The following CIMIP3 variants were observed in gnomAD, a reference collection of about 807,000 sequenced individuals.
CIMIP3 encodes the protein ciliary microtubule inner protein 3.
the CIMIP3 span, among the ~76,000 whole-genome samples, chr6:42,157,915 A>G: frequency 2.0e-5 from 3 of 152,082 alleles, no homozygotes; most frequent in African/African-American, 7.2e-5. Flanking sequence ...CGCTTTTGAC[A>G]TTGGACGCTG....
At chr6:42,155,586 G>T in the CIMIP3 span, 295 of 717,490 alleles carry the variant, frequency 4.1e-4, 1 homozygote, top group Middle Eastern at 1.6e-3. Flanking sequence ...CACATGTGCG[G>T]CTGGGAGGTA....
the CIMIP3 span, among the ~76,000 whole-genome samples, chr6:42,159,676 G>A: frequency 6.6e-6 from 1 of 152,370 alleles, no homozygotes; most frequent in African/African-American, 2.4e-5. Flanking sequence ...CCTGGCAGGA[G>A]CTCAGTGGGT....
chr6:42,162,551 A>G, the CIMIP3 span, among the ~76,000 whole-genome samples: 1 of 148,026 alleles, frequency 6.8e-6, no homozygotes, highest in Non-Finnish European at 1.5e-5. Context: ...GGCCTGACGG[A>G]GCAGTGGCAG....
chr6:42,159,925 G>C, the CIMIP3 span, among the ~76,000 whole-genome samples: 1 of 152,188 alleles, frequency 6.6e-6, no homozygotes, highest in Admixed American at 6.5e-5. Flanking sequence ...GTTAATGTGA[G>C]GATTAGAAGA....
At chr6:42,157,556 CTT>C in the CIMIP3 span, among the ~76,000 whole-genome samples, 4 of 143,770 alleles carry the variant, frequency 2.8e-5, no homozygotes, top group Non-Finnish European at 3.0e-5. Context: ...GCTCTTTTTT[CTT>C]TTTTTTTTTT....
At chr6:42,156,443 C>T in the CIMIP3 span, among the ~76,000 whole-genome samples, 2 of 151,964 alleles carry the variant, frequency 1.3e-5, no homozygotes, top group Admixed American at 6.6e-5. Context: ...GCCACCGGGC[C>T]CTGCAGGGAA....
chr6:42,163,001 C>G, the CIMIP3 span: 1 of 716,156 alleles, frequency 1.4e-6, no homozygotes, highest in Non-Finnish European at 2.6e-6. Flanking sequence ...CTCGTCCCGG[C>G]CCCGGGCGTG....
chr6:42,163,065 A>G, the CIMIP3 span: 1 of 716,860 alleles, frequency 1.4e-6, no homozygotes, highest in Non-Finnish European at 2.6e-6. Flanking sequence ...GTCGTTGTGG[A>G]CTCTAAGGGG....
chr6:42,159,983 A>G, the CIMIP3 span, among the ~76,000 whole-genome samples: 1 of 152,158 alleles, frequency 6.6e-6, no homozygotes, highest in East Asian at 1.9e-4. Flanking sequence ...CTGAAGTGGA[A>G]AAGAATCTTT....
At chr6:42,157,562 T>C in the CIMIP3 span, among the ~76,000 whole-genome samples, 1 of 151,732 alleles carries the variant, frequency 6.6e-6, no homozygotes, top group African/African-American at 2.4e-5. Flanking sequence ...TTTTCTTTTT[T>C]TTTTTTTAAT....
the CIMIP3 span, among the ~76,000 whole-genome samples, chr6:42,159,738 C>T: frequency 6.6e-6 from 1 of 152,196 alleles, no homozygotes; most frequent in African/African-American, 2.4e-5. Flanking sequence ...CCTGGCAGGC[C>T]CTGCTCACAT....
the CIMIP3 span, among the ~76,000 whole-genome samples, chr6:42,162,090 CTTTTTTTTTTTTTT>C: frequency 6.3e-5 from 4 of 63,092 alleles, no homozygotes; most frequent in Non-Finnish European, 8.7e-5. Flanking sequence ...AAGCCACATT[CTTTTTTTTTTTTTT>C]TTTTTTTTTT....
chr6:42,162,733 G>C, the CIMIP3 span, among the ~76,000 whole-genome samples: 1 of 152,190 alleles, frequency 6.6e-6, no homozygotes, highest in Non-Finnish European at 1.5e-5. Context: ...AGGGGGCCAG[G>C]TCAGGGGACC....
At chr6:42,156,020 G>C in the CIMIP3 span, among the ~76,000 whole-genome samples, 7 of 151,874 alleles carry the variant, frequency 4.6e-5, no homozygotes, top group Admixed American at 1.3e-4. Flanking sequence ...TTTTTTTTGA[G>C]ACTCGCTTTG....
At chr6:42,156,663 A>T in the CIMIP3 span, among the ~76,000 whole-genome samples, 1 of 152,242 alleles carries the variant, frequency 6.6e-6, no homozygotes, top group African/African-American at 2.4e-5. Context: ...GACTATTTGC[A>T]CTGTGCCTTT....
At chr6:42,163,048 T>C in the CIMIP3 span, 1 of 717,640 alleles carries the variant, frequency 1.4e-6, no homozygotes, top group African/African-American at 1.7e-5. Flanking sequence ...CAGCAGCCTA[T>C]GTGCCGGTCG....
the CIMIP3 span, among the ~76,000 whole-genome samples, chr6:42,157,151 T>C: frequency 6.6e-6 from 1 of 152,198 alleles, no homozygotes; most frequent in Non-Finnish European, 1.5e-5. Context: ...CGCATATTAG[T>C]ATATATGTAC....
At chr6:42,162,938 G>GT in the CIMIP3 span, 1 of 676,812 alleles carries the variant, frequency 1.5e-6, no homozygotes, top group African/African-American at 1.8e-5. Flanking sequence ...GAAACCCTCT[G>GT]TACCCAGTCA....
At chr6:42,162,291 G>A in the CIMIP3 span, among the ~76,000 whole-genome samples, 3 of 149,372 alleles carry the variant, frequency 2.0e-5, no homozygotes, top group Admixed American at 6.7e-5. Flanking sequence ...GCGGGTGCCT[G>A]TAATCCCAGC....
Sources: gnomAD v4.1 joint callset for allele counts (sites outside exome capture counted in the v4.1 genomes callset) on GRCh38, gnomAD v4.1.1 for gene constraint, MANE v1.5 for transcripts, NCBI Gene and HGNC (gene_info 2026-07-23, HGNC 2026-07-21) for gene names.